DPP10: variants seen among roughly 807,000 people sequenced by gnomAD.
DPP10 encodes dipeptidyl peptidase like 10.
DPP10 carries 33 observed loss-of-function variants against 120.9 expected under a neutral mutation model. That is an observed-to-expected ratio of 0.27 (90% CI 0.21 to 0.37). DPP10 has a LOEUF of 0.37. Among genes scored for constraint, DPP10 ranks in the 10% least tolerant of loss-of-function variants. DPP10 has a pLI of 1.00. For synonymous variants in DPP10, 337 were observed against 326.1 expected, an observed-to-expected ratio of 1.03 and a Z score of -0.36; for missense variants, 816 against 942.8, an observed-to-expected ratio of 0.87 and a Z score of 1.76.
intron 1 of DPP10, among the ~76,000 whole-genome samples, chr2:114,555,201 G>T (rs1340464119): frequency 6.6e-6 from 1 of 152,172 alleles, no homozygotes; most frequent in Non-Finnish European, 1.5e-5. Context: ...TCTGTGTGCA[G>T]CCCTGGACTG....
chr2:115,123,537 C>T (rs1048625860), intron 1 of DPP10, among the ~76,000 whole-genome samples: 2 of 152,124 alleles, frequency 1.3e-5, no homozygotes, highest in Non-Finnish European at 2.9e-5. Context: ...TAAACTCCAC[C>T]GTTTTTCCTC....
intron 1 of DPP10, among the ~76,000 whole-genome samples, chr2:114,915,024 G>A (rs1694673439): frequency 1.3e-5 from 2 of 152,124 alleles, no homozygotes; most frequent in South Asian, 2.1e-4. Context: ...CCAGCTGCAC[G>A]GGAGGCTGAG....
At chr2:115,227,706 T>G (rs1193907472) in intron 1 of DPP10, among the ~76,000 whole-genome samples, 1 of 152,168 alleles carries the variant, frequency 6.6e-6, no homozygotes, top group East Asian at 1.9e-4. Context: ...GTTCATCTAA[T>G]GCATTTGAGA....
At chr2:115,207,650 A>G (rs1041423141) in intron 1 of DPP10, among the ~76,000 whole-genome samples, 1 of 152,170 alleles carries the variant, frequency 6.6e-6, no homozygotes, top group Non-Finnish European at 1.5e-5. Context: ...CCACAGAGGG[A>G]AACTCAGTGA....
chr2:114,724,068 A>G (rs1284958868), intron 1 of DPP10, among the ~76,000 whole-genome samples: 1 of 152,208 alleles, frequency 6.6e-6, no homozygotes, highest in Non-Finnish European at 1.5e-5. Flanking sequence ...TATTTATACC[A>G]AGTCACTGAT....
At chr2:115,354,870 G>A (rs1186653963) in intron 3 of DPP10, among the ~76,000 whole-genome samples, 2 of 152,132 alleles carry the variant, frequency 1.3e-5, no homozygotes, top group African/African-American at 4.8e-5. Context: ...TCCCTGCAAA[G>A]CACATAATCT....
At chr2:114,896,009 T>G (rs1011410111) in intron 1 of DPP10, among the ~76,000 whole-genome samples, 6 of 152,138 alleles carry the variant, frequency 3.9e-5, no homozygotes, top group African/African-American at 9.7e-5. Flanking sequence ...CCCATTGCTT[T>G]TTTTTCTCAG....
At chr2:115,128,246 C>T (rs940257376) in intron 1 of DPP10, among the ~76,000 whole-genome samples, 2 of 152,130 alleles carry the variant, frequency 1.3e-5, no homozygotes, top group East Asian at 1.9e-4. Context: ...ACCATTTCCT[C>T]CTTCACGTCT....
At chr2:115,685,628 A>G (rs1297072710) in intron 5 of DPP10, among the ~76,000 whole-genome samples, 2 of 152,080 alleles carry the variant, frequency 1.3e-5, no homozygotes, top group Admixed American at 6.6e-5. Context: ...AAGTAAATAC[A>G]GGTTATCAAC....
chr2:114,649,771 G>A (rs1053720459), intron 1 of DPP10, among the ~76,000 whole-genome samples: 2 of 151,950 alleles, frequency 1.3e-5, no homozygotes, highest in Non-Finnish European at 2.9e-5. Context: ...TTCCCAAATA[G>A]CCAACTTTTC....
chr2:115,237,143 T>C (rs2058045443), intron 1 of DPP10, among the ~76,000 whole-genome samples: 1 of 151,096 alleles, frequency 6.6e-6, no homozygotes, highest in South Asian at 2.1e-4. Flanking sequence ...CATTTTTTTT[T>C]TCCAAATGAA....
intron 3 of DPP10, among the ~76,000 whole-genome samples, chr2:115,475,234 A>G (rs912528979): frequency 6.6e-6 from 1 of 152,210 alleles, no homozygotes; most frequent in Non-Finnish European, 1.5e-5. Context: ...GGACCTGTGC[A>G]GCCTTGGGAC....
chr2:115,741,021 G>C (rs1380751244), intron 9 of DPP10, among the ~76,000 whole-genome samples: 2 of 152,014 alleles, frequency 1.3e-5, no homozygotes, highest in African/African-American at 4.8e-5. Context: ...ACAAACTACT[G>C]GGTAGGTTCC....
intron 19 of DPP10, among the ~76,000 whole-genome samples, chr2:115,813,393 G>C (rs1686874878): frequency 6.6e-6 from 1 of 152,120 alleles, no homozygotes; most frequent in African/African-American, 2.4e-5. Context: ...TAGTCCCACT[G>C]TAACTGTGCA....
Position 115,270,087 on chromosome 2 carries a change from CACACACACACACACACACACACACACAG to C in DPP10, c.61-39140_61-39113del, listed in dbSNP as rs1435667687. On this transcript the variant is annotated intron_variant, in intron 1 of 25. Transcript: ENST00000410059. ...TACTTCACACACACACACACACACA[CACACACACACACACACACACACACACAG>C]ACACACACACAAACACTTATTTATG... Among the ~76,000 whole-genome samples, 818 of 150,168 alleles carry C rather than the reference CACACACACACACACACACACACACACAG, an allele frequency of 5.4e-3. 7 individuals are homozygous for C. The highest frequency in any genetic ancestry group is 0.02 in the African/African-American group (790 of 40,368).
At chr2:115,523,663 G>A (rs1011994118) in intron 4 of DPP10, among the ~76,000 whole-genome samples, 1 of 151,888 alleles carries the variant, frequency 6.6e-6, no homozygotes, top group South Asian at 2.1e-4. Context: ...CTATAATGTT[G>A]GATACTTTGT....
At chr2:115,699,112 C>T (rs2091767492) in intron 7 of DPP10, among the ~76,000 whole-genome samples, 2 of 144,518 alleles carry the variant, frequency 1.4e-5, no homozygotes, top group Non-Finnish European at 3.0e-5. Flanking sequence ...CGTTTCTACA[C>T]AAATAAAAAG....
chr2:114,707,218 T>G (rs1260532479), intron 1 of DPP10: 1 of 152,190 alleles, frequency 6.6e-6, no homozygotes, highest in Non-Finnish European at 1.5e-5. Flanking sequence ...TTAAATATTG[T>G]TTCTGACTAA....
At chr2:114,445,534 CTGTGTGTG>C (rs145248880) in intron 1 of DPP10, among the ~76,000 whole-genome samples, 33,999 of 143,478 alleles carry the variant, frequency 0.24, 3,950 homozygotes, top group Middle Eastern at 0.29. Context: ...AAAAACAGCT[CTGTGTGTG>C]TGTGTGTGTG....
Sources: allele counts gnomAD v4.1 joint callset (sites outside exome capture counted in the v4.1 genomes callset), GRCh38; gene constraint gnomAD v4.1.1; transcripts MANE v1.5; gene names NCBI Gene and HGNC (gene_info 2026-07-23, HGNC 2026-07-21).